Variants in ADD1 observed in about 807,000 individuals in gnomAD.
The protein encoded by ADD1 is adducin 1.
Under a neutral mutation model 80.5 loss-of-function variants are expected in ADD1, and 24 were observed. That is an observed-to-expected ratio of 0.30 (90% confidence interval 0.22 to 0.42). The LOEUF (loss-of-function observed/expected upper bound fraction) is 0.42, where lower values mean the gene tolerates loss of function less well. Among genes scored for constraint, ADD1 ranks in the 10% least tolerant of loss-of-function variants. The probability of loss-of-function intolerance (pLI) is 1.00; values close to 1 mark genes in which losing one functional copy is unlikely to be tolerated. For synonymous variants in ADD1, 373 were observed against 393.8 expected (o/e 0.95, Z 0.63); for missense variants, 948 against 1,019.0 (o/e 0.93, Z 0.95).
At position 2,899,304 on chromosome 4, in the gene ADD1, C is replaced by T. The variant is rs1735777298; in HGVS notation, c.1030C>T (p.Leu344=). Residue 344 remains leucine (L), a synonymous_variant, in exon 9 of 16, where the codon CTG becomes TTG. Transcript: ENST00000683351. ...AGGAGGACCAGACAACTTAGTCCTG[C>T]TGAATCCTGAGAAGTACAAAGCCAA... ...SAGGPDNLVL[L]NPEKYKAKSR... The T allele has an allele frequency of 1.9e-6, 3 of 1,614,054 alleles. No homozygotes were observed. Among genetic ancestry groups the T allele is most frequent in the Non-Finnish European group, 2.5e-6 (3 of 1,180,022 alleles).
At chr4:2,886,599 C>T (rs1450745932) in intron 4 of ADD1, among the ~76,000 whole-genome samples, 1 of 152,158 alleles carries the variant, frequency 6.6e-6, no homozygotes, top group Admixed American at 6.5e-5. Context: ...ACAGGGAGAG[C>T]GTCTGTTGTG....
chr4:2,858,234 C>G (rs1327427176), intron 1 of ADD1, among the ~76,000 whole-genome samples: 2 of 152,218 alleles, frequency 1.3e-5, no homozygotes, highest in Non-Finnish European at 2.9e-5. Flanking sequence ...TTCAGTCAGT[C>G]TTTAAAGATG....
intron 4 of ADD1, chr4:2,887,385 G>C (rs955034333): frequency 6.9e-6 from 1 of 145,436 alleles, no homozygotes; most frequent in Admixed American, 7.3e-5. Flanking sequence ...ACAGGTGTTA[G>C]AAGATTGGAG....
intron 1 of ADD1, among the ~76,000 whole-genome samples, chr4:2,874,052 A>T (rs1293085999): frequency 1.3e-5 from 2 of 151,826 alleles, no homozygotes; most frequent in Admixed American, 6.6e-5. Context: ...TCTACCAAAG[A>T]ACTAAAAAAA....
At chr4:2,893,921 GTGTTC>G in intron 4 of ADD1, 87 bp from the exon 5 acceptor site, 1 of 1,160,568 alleles carries the variant, frequency 8.6e-7, no homozygotes, top group Non-Finnish European at 1.3e-6. Flanking sequence ...AGCTCACTCA[GTGTTC>G]TGAACAAACC....
chr4:2,891,652 C>T (rs188430165), intron 4 of ADD1, among the ~76,000 whole-genome samples: 34 of 152,184 alleles, frequency 2.2e-4, no homozygotes, highest in Admixed American at 6.5e-4. Context: ...CCGTTTATTG[C>T]GAGCTTTATT....
intron 12 of ADD1, 156 bp from the exon 13 acceptor site, chr4:2,909,183 G>A (rs34945392): frequency 0.012 from 7,466 of 645,364 alleles, 104 homozygotes; most frequent in African/African-American, 0.046. Flanking sequence ...TCCTGGTTTC[G>A]TGTTCAGTGT....
rs750815954 is a variant in ADD1 at position 2,904,962 on chromosome 4, G to A, written c.1360G>A (p.Asp454Asn). The A allele has an allele frequency of 2.7e-5, 44 of 1,614,074 alleles. No individual in the cohort carries two copies. Among genetic ancestry groups the A allele is most frequent in the Admixed American group, 2.7e-4 (16 of 59,990 alleles). The change falls in exon 10 of 16, where the codon GAC becomes AAC. Residue 454 changes from aspartate (D) to asparagine (N), a missense_variant. Asp to Asn is a conservative substitution (Grantham distance 23). Transcript: ENST00000683351. ...AAGATGGCTGAACTCTGGCCGGGGC[G>A]ACGAAGCTTCCGAGGAAGGGCAGAA... ...KTRWLNSGRG[D>N]EASEEGQNGS...
rs556711124 is a variant in ADD1 at position 2,899,681 on chromosome 4, G to C, written c.1161+246G>C. 3 of 513,408 alleles carry C rather than the reference G, an allele frequency of 5.8e-6. No individual in the cohort carries two copies. In the Admixed American group the frequency reaches 9.1e-5, roughly 15 times the overall value. 31.8% of individuals were successfully genotyped at this position (513,408 alleles called of 1,614,324 possible). A position where few individuals can be genotyped will look rare whatever the true frequency, so the allele number is the denominator to read the frequency against. ...TTGTGTTTGGACTCAGTGGGGACAA[G>C]AGCACAGAGAATGCGTAGGCAGCTG... On this transcript the variant is annotated intron_variant, in intron 9 of 15. Coordinates refer to ENST00000683351, the MANE Select transcript of ADD1 (RefSeq NM_001354761.2).
chr4:2,925,275 G>A (rs1018450134), intron 14 of ADD1, among the ~76,000 whole-genome samples: 1 of 152,216 alleles, frequency 6.6e-6, no homozygotes, highest in Non-Finnish European at 1.5e-5. Context: ...CGAGCCAGCT[G>A]TTAGGGTGGG....
At position 2,928,287 on chromosome 4, in the gene ADD1, A is replaced by C. The variant is rs369305915; in HGVS notation, c.2164A>C (p.Lys722Gln). The C allele has an allele frequency of 6.2e-7, 1 of 1,614,036 alleles. No individual in the cohort carries two copies. The highest frequency in any genetic ancestry group is 8.5e-7 in the Non-Finnish European group (1 of 1,180,020). Residue 722 changes from lysine to glutamine, a missense_variant, in exon 16 of 16, where the codon AAG becomes CAG. Physicochemically the swap from Lys to Gln is moderately conservative, Grantham distance 53. Transcript: ENST00000683351. ...AGCACTCGGCTTCCCAATGTTAGAGAAGGAGGAGGAAGCCCATAGACCCCC... is the reference window on the plus strand; with the variant it reads ...AGCACTCGGCTTCCCAATGTTAGAGCAGGAGGAGGAAGCCCATAGACCCCC... Reference protein sequence around the residue: ...SEALGFPMLEKEEEAHRPPSP... With the variant: ...SEALGFPMLEQEEEAHRPPSP...
At chr4:2,880,433 A>T in intron 2 of ADD1, among the ~76,000 whole-genome samples, 1 of 130,666 alleles carries the variant, frequency 7.7e-6, no homozygotes, top group East Asian at 2.4e-4. Context: ...GATATCATTT[A>T]TAATTGTTTG....
At chr4:2,880,840 C>T (rs1732190739) in intron 2 of ADD1, among the ~76,000 whole-genome samples, 1 of 151,914 alleles carries the variant, frequency 6.6e-6, no homozygotes, top group Non-Finnish European at 1.5e-5. Context: ...TATAAATTAT[C>T]TGTATTGTTA....
intron 1 of ADD1, among the ~76,000 whole-genome samples, chr4:2,864,267 G>A (rs1464636126): frequency 6.6e-6 from 1 of 152,150 alleles, no homozygotes; most frequent in African/African-American, 2.4e-5. Context: ...CAAAAAATTA[G>A]CTGGGCGTGG....
At chr4:2,922,863 C>T (rs1374194552) in intron 14 of ADD1, among the ~76,000 whole-genome samples, 1 of 152,258 alleles carries the variant, frequency 6.6e-6, no homozygotes, top group Non-Finnish European at 1.5e-5. Context: ...GAGAGGCAGT[C>T]TGGCTACAGT....
intron 1 of ADD1, among the ~76,000 whole-genome samples, chr4:2,848,810 C>T (rs899643152): frequency 6.6e-6 from 1 of 152,038 alleles, no homozygotes; most frequent in Non-Finnish European, 1.5e-5. Context: ...AAGCAGTGCT[C>T]CAATTAATAT....
At chr4:2,906,897 A>G (rs1320017121) in intron 10 of ADD1, among the ~76,000 whole-genome samples, 4 of 152,094 alleles carry the variant, frequency 2.6e-5, no homozygotes, top group Non-Finnish European at 4.4e-5. Context: ...TCTCGAAAGT[A>G]TTCTGAAAGG....
chr4:2,852,207 C>CCTTCCTTTCTTTCCTTTCCTTT (rs1727294915), intron 1 of ADD1, among the ~76,000 whole-genome samples: 3 of 66,102 alleles, frequency 4.5e-5, no homozygotes, highest in East Asian at 3.8e-4. Context: ...TCCTTTCTTT[C>CCTTCCTTTCTTTCCTTTCCTTT]CTTTCCTTTC....
At position 2,852,258 on chromosome 4, in the gene ADD1, T is replaced by C. The variant is rs575801691; in HGVS notation, c.-21+8234T>C. Among the ~76,000 whole-genome samples the C allele has an allele frequency of 9.7e-4, 141 of 145,396 alleles. 2 individuals carry two copies. The highest frequency in any genetic ancestry group is 3.5e-3 in the Middle Eastern group (1 of 284). On this transcript the variant is annotated intron_variant, in intron 1 of 15. Transcript: ENST00000683351. Reference sequence around the variant, plus strand: ...TTCTTTCTTTCTTTCTCTTTCTTTCTTTCCTTCCTTCCTTCCTTCCTTCTT... The same window carrying C: ...TTCTTTCTTTCTTTCTCTTTCTTTCCTTCCTTCCTTCCTTCCTTCCTTCTT...
Sources: gnomAD v4.1 joint callset for allele counts (sites outside exome capture counted in the v4.1 genomes callset) on GRCh38, gnomAD v4.1.1 for gene constraint, MANE v1.5 for transcripts, NCBI Gene and HGNC (gene_info 2026-07-23, HGNC 2026-07-21) for gene names.